ABCA13: variants seen among roughly 807,000 people sequenced by gnomAD.
The protein encoded by ABCA13 is ATP-binding cassette sub-family A member 13.
ABCA13 carries 476 observed loss-of-function variants against 478.7 expected under a neutral mutation model. That is an observed-to-expected ratio of 0.99 (90% CI 0.92 to 1.07). ABCA13 has a LOEUF of 1.07. Ranked by LOEUF, ABCA13 falls within the 50% of genes least tolerant of loss-of-function variation. The probability of loss-of-function intolerance (pLI) is 0.00; values close to 1 mark genes in which losing one functional copy is unlikely to be tolerated. For synonymous variants in ABCA13, 2,252 were observed against 2,158.9 expected (o/e 1.04, Z -1.20); for missense variants, 6,060 against 5,910.6 (o/e 1.03, Z -0.83).
intron 58 of ABCA13, among the ~76,000 whole-genome samples, chr7:48,603,374 A>G (rs1173600800): frequency 2.0e-5 from 3 of 152,158 alleles, no homozygotes; most frequent in Non-Finnish European, 4.4e-5. Flanking sequence ...GTTTTTCATA[A>G]ATAATCTTAT....
intron 11 of ABCA13, among the ~76,000 whole-genome samples, chr7:48,245,160 T>G (rs185665328): frequency 6.6e-6 from 1 of 152,342 alleles, no homozygotes; most frequent in East Asian, 1.9e-4. Flanking sequence ...TTCTTTGAAC[T>G]TTCTTGACTA....
At chr7:48,364,519 C>T (rs1216010570) in intron 31 of ABCA13, among the ~76,000 whole-genome samples, 1 of 152,088 alleles carries the variant, frequency 6.6e-6, no homozygotes, top group Non-Finnish European at 1.5e-5. Flanking sequence ...TTATCCCTTC[C>T]CTCCATTTGT....
intron 41 of ABCA13, among the ~76,000 whole-genome samples, chr7:48,426,365 G>A (rs1204238430): frequency 1.3e-5 from 2 of 152,202 alleles, no homozygotes; most frequent in Non-Finnish European, 2.9e-5. Context: ...CTTGCTCATG[G>A]CTTCTTCTTT....
At position 48,612,646 on chromosome 7, in the gene ABCA13, A is replaced by G. The variant is rs371062400; in HGVS notation, c.14745-2639A>G. 2.0e-5 allele frequency among the ~76,000 whole-genome samples: 3 copies of G among 152,212 alleles called. No homozygotes were observed. In the South Asian group the frequency reaches 6.2e-4, roughly 31 times the overall value. On this transcript the variant is annotated intron_variant, in intron 58 of 61. Transcript: ENST00000435803. ...ATGAACTCTTACTTAAATGAGTGATATATTCTCCTACTGTGAAACATTAAC... is the reference window on the plus strand; with the variant it reads ...ATGAACTCTTACTTAAATGAGTGATGTATTCTCCTACTGTGAAACATTAAC...
chr7:48,278,510 A>G lies in ABCA13; in HGVS notation c.7316A>G (p.Tyr2439Cys), dbSNP rs569191387. 61 of 1,613,842 alleles carry G rather than the reference A, an allele frequency of 3.8e-5. No homozygotes were observed. Among genetic ancestry groups the G allele is most frequent in the Non-Finnish European group, 4.9e-5 (58 of 1,179,880 alleles). ...TTACACTCTCCTAATAAGGACTTCT[A>G]TGCTTTGTATCCTACCCTCCAAGAA... ...TILHSPNKDF[Y>C]ALYPTLQEVI... Residue 2439 changes from tyrosine (Y) to cysteine (C), a missense_variant, in exon 18 of 62, where the codon TAT becomes TGT. This residue lies in a region of ABCA13 where 4,423 missense variants were observed against 4,309.1 expected (regional missense o/e 1.03). Coordinates refer to ENST00000435803, the MANE Select transcript of ABCA13 (RefSeq NM_152701.5).
At chr7:48,589,561 T>C (rs1444467973) in intron 57 of ABCA13, among the ~76,000 whole-genome samples, 3 of 152,214 alleles carry the variant, frequency 2.0e-5, no homozygotes, top group Non-Finnish European at 2.9e-5. Flanking sequence ...TTTTTTCCCC[T>C]GTATGTGATG....
chr7:48,414,775 T>C (rs1819747494), intron 41 of ABCA13, among the ~76,000 whole-genome samples: 2 of 152,212 alleles, frequency 1.3e-5, no homozygotes, highest in Admixed American at 1.3e-4. Flanking sequence ...GCACCAAGAT[T>C]TTGATCTTTA....
At chr7:48,183,803 C>G (rs778086314) in intron 1 of ABCA13, among the ~76,000 whole-genome samples, 1 of 152,192 alleles carries the variant, frequency 6.6e-6, no homozygotes, top group African/African-American at 2.4e-5. Context: ...ATCTATTCTC[C>G]CATTGACGGG....
At chr7:48,393,741 C>T (rs1816419500) in intron 38 of ABCA13, among the ~76,000 whole-genome samples, 1 of 152,196 alleles carries the variant, frequency 6.6e-6, no homozygotes, top group Admixed American at 6.5e-5. Flanking sequence ...AGTTGTCACA[C>T]ATTCCATGTG....
intron 55 of ABCA13, among the ~76,000 whole-genome samples, chr7:48,569,121 C>G (rs963860028): frequency 3.3e-5 from 5 of 151,696 alleles, no homozygotes; most frequent in African/African-American, 9.7e-5. Context: ...TTATTTATTT[C>G]TGCTCAAATC....
chr7:48,332,561 G>T (rs1365673755), intron 27 of ABCA13, among the ~76,000 whole-genome samples: 1 of 152,130 alleles, frequency 6.6e-6, no homozygotes, highest in Non-Finnish European at 1.5e-5. Flanking sequence ...AAACAGTATG[G>T]TCTGTTGTAT....
At chr7:48,311,266 A>ACCCCCACACACT (rs1457193874) in intron 24 of ABCA13, among the ~76,000 whole-genome samples, 2 of 152,026 alleles carry the variant, frequency 1.3e-5, no homozygotes, top group Non-Finnish European at 2.9e-5. Flanking sequence ...ACACACACAC[A>ACCCCCACACACT]CCCACACACA....
intron 31 of ABCA13, among the ~76,000 whole-genome samples, chr7:48,357,142 C>G (rs1810058051): frequency 6.6e-6 from 1 of 151,854 alleles, no homozygotes; most frequent in Non-Finnish European, 1.5e-5. Flanking sequence ...TTGACAGCCA[C>G]TCATGCTTGA....
rs555895576 is a variant in ABCA13 at position 48,504,947 on chromosome 7, G to C, written c.13292-1389G>C. On this transcript the variant is annotated intron_variant, in intron 48 of 61. Coordinates refer to ENST00000435803, the MANE Select transcript of ABCA13 (RefSeq NM_152701.5). ...GTGAAAGAAAGACACATAGGAGAAA[G>C]ACTGGTGGGTGTTATTGGTCCAGAC... 2.0e-5 allele frequency among the ~76,000 whole-genome samples: 3 copies of C among 152,284 alleles called. No homozygotes were observed. The South Asian group carries it at 6.2e-4, about 32-fold the overall frequency.
At chr7:48,432,896 T>G (rs1822334632) in intron 42 of ABCA13, among the ~76,000 whole-genome samples, 1 of 152,038 alleles carries the variant, frequency 6.6e-6, no homozygotes, top group African/African-American at 2.4e-5. Context: ...AGAGATCTAT[T>G]GTACAACATG....
chr7:48,612,511 C>T (rs1792126768), intron 58 of ABCA13, among the ~76,000 whole-genome samples: 1 of 152,100 alleles, frequency 6.6e-6, no homozygotes, highest in African/African-American at 2.4e-5. Context: ...TTTAACATAC[C>T]TGTGCAATTC....
Position 48,581,491 on chromosome 7 carries a change from T to C in ABCA13, c.14505+1117T>C, listed in dbSNP as rs148724903. Among the ~76,000 whole-genome samples the C allele has an allele frequency of 6.2e-3, 944 of 152,324 alleles. 10 individuals are homozygous for C. Among genetic ancestry groups the C allele is most frequent in the African/African-American group, 0.022 (899 of 41,580 alleles). ...TTGGCATCCGTGGCTAATTGTTGGA[T>C]CAATTTTTAATCGGTGTTTATCTCT... On this transcript the variant is annotated intron_variant, in intron 56 of 61. Transcript: ENST00000435803.
At chr7:48,356,357 G>A (rs542192939) in intron 31 of ABCA13, among the ~76,000 whole-genome samples, 1 of 151,572 alleles carries the variant, frequency 6.6e-6, no homozygotes, top group Non-Finnish European at 1.5e-5. Context: ...GAAATGGGAG[G>A]TGACTTCTTC....
chr7:48,500,357 C>T (rs1830638190), intron 48 of ABCA13, among the ~76,000 whole-genome samples: 1 of 152,088 alleles, frequency 6.6e-6, no homozygotes, highest in Non-Finnish European at 1.5e-5. Flanking sequence ...GCTCAGGGAT[C>T]TAGGACAACC....
Sources: allele counts gnomAD v4.1 joint callset (sites outside exome capture counted in the v4.1 genomes callset), GRCh38; gene constraint gnomAD v4.1.1; regional missense constraint gnomAD v4.1.1; transcripts MANE v1.5; gene names NCBI Gene and HGNC (gene_info 2026-07-23, HGNC 2026-07-21).